Variants in LYN observed in about 807,000 individuals in gnomAD.
The protein encoded by LYN is tyrosine-protein kinase Lyn.
Under a neutral mutation model 65.0 loss-of-function variants are expected in LYN, and 12 were observed. That is an observed-to-expected ratio of 0.18 (90% confidence interval 0.12 to 0.30). LYN has a LOEUF of 0.30. Ranked by LOEUF, LYN falls within the 10% of genes least tolerant of loss-of-function variation. The probability of loss-of-function intolerance (pLI) is 1.00; values close to 1 mark genes in which losing one functional copy is unlikely to be tolerated. For missense variants in LYN, 380 were observed against 623.2 expected, an observed-to-expected ratio of 0.61 and a Z score of 4.16; for synonymous variants, 222 against 221.2, an observed-to-expected ratio of 1.00 and a Z score of -0.03.
At chr8:55,976,461 C>T (rs1030207252) in intron 10 of LYN, among the ~76,000 whole-genome samples, 3 of 152,212 alleles carry the variant, frequency 2.0e-5, no homozygotes, top group Non-Finnish European at 4.4e-5. Context: ...TGAGCCCCCT[C>T]ACCCTCTTGG....
intron 1 of LYN, among the ~76,000 whole-genome samples, chr8:55,909,405 G>A (rs1034865098): frequency 3.9e-5 from 6 of 152,132 alleles, no homozygotes; most frequent in Non-Finnish European, 7.4e-5. Context: ...GGTTCCACCT[G>A]AGTGGGATTC....
intron 2 of LYN, among the ~76,000 whole-genome samples, chr8:55,944,465 C>T (rs1806717217): frequency 6.6e-6 from 1 of 152,038 alleles, no homozygotes; most frequent in Non-Finnish European, 1.5e-5. Flanking sequence ...CAAGTTTTTT[C>T]GTTTTGCACT....
chr8:55,904,206 T>C (rs1805357350), intron 1 of LYN, among the ~76,000 whole-genome samples: 1 of 152,136 alleles, frequency 6.6e-6, no homozygotes, highest in Non-Finnish European at 1.5e-5. Context: ...TTAAATAAAA[T>C]ATACCCTGAA....
intron 1 of LYN, among the ~76,000 whole-genome samples, chr8:55,884,415 A>G (rs566199969): frequency 1.3e-5 from 2 of 151,156 alleles, no homozygotes; most frequent in East Asian, 2.0e-4. Context: ...TTTCTGGGGT[A>G]TATTTGGCTT....
chr8:55,977,315 T>C (rs1369545390), intron 10 of LYN, among the ~76,000 whole-genome samples: 1 of 152,238 alleles, frequency 6.6e-6, no homozygotes, highest in Non-Finnish European at 1.5e-5. Flanking sequence ...ACTCAGCAAA[T>C]AGTTTCAACA....
intron 4 of LYN, among the ~76,000 whole-genome samples, chr8:55,948,923 A>G (rs939849484): frequency 1.3e-5 from 2 of 152,208 alleles, no homozygotes; most frequent in African/African-American, 4.8e-5. Context: ...TATTAGTTCT[A>G]GTTGCCTTCA....
chr8:55,947,292 TC>T (rs1158828546), intron 3 of LYN, among the ~76,000 whole-genome samples: 2 of 152,262 alleles, frequency 1.3e-5, no homozygotes, highest in Non-Finnish European at 1.5e-5. Flanking sequence ...TATCCATTCC[TC>T]CATCAATAGA....
At chr8:55,982,558 G>A (rs973876967) in intron 10 of LYN, among the ~76,000 whole-genome samples, 2 of 152,086 alleles carry the variant, frequency 1.3e-5, no homozygotes, top group Non-Finnish European at 2.9e-5. Context: ...CAGCTTTGGA[G>A]TCCACGCCAT....
At chr8:55,890,841 C>T (rs1355929091) in intron 1 of LYN, among the ~76,000 whole-genome samples, 1 of 151,862 alleles carries the variant, frequency 6.6e-6, no homozygotes, top group African/African-American at 2.4e-5. Flanking sequence ...GATCCTCCCA[C>T]CTCAGCCTCT....
chr8:55,931,301 CTA>C (rs1316650019), intron 1 of LYN, among the ~76,000 whole-genome samples: 3 of 150,094 alleles, frequency 2.0e-5, no homozygotes, highest in South Asian at 2.1e-4. Flanking sequence ...TATAACTTGT[CTA>C]TGTATTATGT....
In LYN at chr8:55,933,466, A is replaced by G. The variant is rs531026831; in HGVS notation, c.-5-8389A>G. Among the ~76,000 whole-genome samples, 6 of 152,374 alleles carry G rather than the reference A, an allele frequency of 3.9e-5. No individual in the cohort carries two copies. In the South Asian group the frequency reaches 1.2e-3, roughly 32 times the overall value. ...TGTAGCCCCCAGTTATTTTCTTATA[A>G]GTAATTTATTCCAAGAAGTGGTCAT... On this transcript the variant is annotated intron_variant, in intron 1 of 12. Transcript: ENST00000519728.
rs1368518792 is a variant in LYN, at chr8:55,880,037, C to A, written c.-72C>A. The A allele has an allele frequency of 3.2e-6, 1 of 308,788 alleles. No homozygotes were observed. Among genetic ancestry groups the A allele is most frequent in the Admixed American group, 4.2e-5 (1 of 23,602 alleles). 19.1% of individuals were successfully genotyped at this position (308,788 alleles called of 1,614,324 possible). On this transcript the variant is annotated 5_prime_UTR_variant, in exon 1 of 13. Coordinates refer to ENST00000519728, the MANE Select transcript of LYN (RefSeq NM_002350.4). Reference sequence around the variant, plus strand: ...CGCAGGTCCTGCTGGGCCGCCCCGTCGCGCCCCCCACTCTGAACTCAAGTC... The same window carrying A: ...CGCAGGTCCTGCTGGGCCGCCCCGTAGCGCCCCCCACTCTGAACTCAAGTC...
chr8:55,944,924 C>T (rs993347730), intron 2 of LYN, among the ~76,000 whole-genome samples: 2 of 152,190 alleles, frequency 1.3e-5, no homozygotes, highest in Admixed American at 6.5e-5. Flanking sequence ...AAGTAGTAAA[C>T]ACGCTTGAAG....
At chr8:55,933,524 GT>G (rs1322484855) in intron 1 of LYN, among the ~76,000 whole-genome samples, 1 of 152,202 alleles carries the variant, frequency 6.6e-6, no homozygotes, top group Non-Finnish European at 1.5e-5. Flanking sequence ...TTCTAACGGA[GT>G]TTAATATGTA....
intron 1 of LYN, among the ~76,000 whole-genome samples, chr8:55,903,805 G>A (rs1805347685): frequency 6.6e-6 from 1 of 152,138 alleles, no homozygotes; most frequent in Admixed American, 6.6e-5. Context: ...CTTGAGCCCA[G>A]GAGTTTGACA....
chr8:55,973,305 G>A (rs1807661549), intron 10 of LYN, among the ~76,000 whole-genome samples: 1 of 152,176 alleles, frequency 6.6e-6, no homozygotes. Flanking sequence ...GAGCTCAAGT[G>A]TAATAATCCA....
chr8:56,005,562 G>A (rs972912800), intron 12 of LYN, among the ~76,000 whole-genome samples: 2 of 152,194 alleles, frequency 1.3e-5, no homozygotes, highest in African/African-American at 4.8e-5. Context: ...CTGCAGGCAC[G>A]TTGGTTGCAC....
intron 10 of LYN, among the ~76,000 whole-genome samples, chr8:55,989,138 C>G (rs1054263737): frequency 6.6e-6 from 1 of 152,210 alleles, no homozygotes; most frequent in Non-Finnish European, 1.5e-5. Flanking sequence ...TGGCTCAGAG[C>G]CTGCGCCTCG....
intron 1 of LYN, among the ~76,000 whole-genome samples, chr8:55,941,553 T>G (rs1171691012): frequency 6.6e-6 from 1 of 152,204 alleles, no homozygotes; most frequent in African/African-American, 2.4e-5. Context: ...TTACATGTCC[T>G]TTCTTAGATC....
Sources: gnomAD v4.1 joint callset for allele counts (sites outside exome capture counted in the v4.1 genomes callset) on GRCh38, gnomAD v4.1.1 for gene constraint, MANE v1.5 for transcripts, NCBI Gene and HGNC (gene_info 2026-07-23, HGNC 2026-07-21) for gene names.